Variants in ADARB2 observed in about 807,000 individuals in gnomAD.
ADARB2 encodes the protein inactive double-stranded RNA-specific editase B2.
A neutral mutation model predicts 62.2 loss-of-function variants in ADARB2; 25 were observed. The ratio of observed to expected loss-of-function variants is 0.40; its 90% CI spans 0.29 to 0.56. The LOEUF (loss-of-function observed/expected upper bound fraction) is 0.56. Among genes scored for constraint, ADARB2 ranks in the 20% least tolerant of loss-of-function variants. The probability of loss-of-function intolerance (pLI) is 0.43; values close to 1 mark genes in which losing one functional copy is unlikely to be tolerated. For missense variants in ADARB2, 1,071 were observed against 1,077.4 expected (o/e 0.99, Z 0.08); for synonymous variants, 572 against 500.8 (o/e 1.14, Z -1.90).
chr10:1,219,028 C>T lies in ADARB2; in HGVS notation c.1514-1909G>A, dbSNP rs192142503. ...TTGTGCCACTGTACTCCAGCCTGGGCGACAGAGCAAGACTACGTCTCAAAA... is the reference window on the plus strand; with the variant it reads ...TTGTGCCACTGTACTCCAGCCTGGGTGACAGAGCAAGACTACGTCTCAAAA... On this transcript the variant is annotated intron_variant, in intron 6 of 9. Coordinates refer to ENST00000381312, the MANE Select transcript of ADARB2 (RefSeq NM_018702.4). 2.2e-3 allele frequency among the ~76,000 whole-genome samples: 301 copies of T among 137,160 alleles called. 1 individual carries two copies. Among genetic ancestry groups the T allele is most frequent in the Non-Finnish European group, 3.4e-3 (227 of 65,962 alleles). 90.0% of individuals were successfully genotyped at this position (137,160 alleles called of 152,430 possible).
At position 1,183,277 on chromosome 10, in the gene ADARB2, C is replaced by T. The variant is rs1314058470; in HGVS notation, c.2136G>A (p.Gln712=). 1 of 1,614,192 alleles carries T rather than the reference C, an allele frequency of 6.2e-7. No homozygotes were observed. The highest frequency in any genetic ancestry group is 1.3e-5 in the African/African-American group (1 of 75,068). The part of the protein sequence containing the change: ...GAHTYQSVKQ[Q]LFKAFQKAGL... ...CAGCCTTCTGAAAGGCCTTGAACAGCTGCTGTTTCACAGACTGGTAGGTGT... is the reference window on the plus strand; with the variant it reads ...CAGCCTTCTGAAAGGCCTTGAACAGTTGCTGTTTCACAGACTGGTAGGTGT... The change falls in exon 10 of 10, where the codon CAG becomes CAA. Residue 712 remains glutamine, a synonymous_variant. Transcript: ENST00000381312.
At chr10:1,685,212 G>A (rs1255125087) in intron 1 of ADARB2, among the ~76,000 whole-genome samples, 1 of 152,148 alleles carries the variant, frequency 6.6e-6, no homozygotes, top group Non-Finnish European at 1.5e-5. Flanking sequence ...GAGTGCGTGA[G>A]TGTGTGTGTG....
In ADARB2 at chr10:1,690,081, T is replaced by C. The variant is rs572308164; in HGVS notation, c.100+46970A>G. Among the ~76,000 whole-genome samples, 5 of 152,334 alleles carry C rather than the reference T, an allele frequency of 3.3e-5. No homozygotes were observed. The South Asian group carries it at 6.2e-4, about 19-fold the overall frequency. On this transcript the variant is annotated intron_variant, in intron 1 of 9. Transcript: ENST00000381312. ...ATTGCTATGGGAAGAAAAGAAAGCA[T>C]TGCACATTAAGGTGATAGCTATTCT...
chr10:1,562,122 G>A (rs963079195), intron 1 of ADARB2, among the ~76,000 whole-genome samples: 10 of 152,078 alleles, frequency 6.6e-5, no homozygotes, highest in African/African-American at 2.4e-4. Context: ...TCTTCTCAGG[G>A]ACCCTTGGTT....
chr10:1,331,604 G>A (rs1385997687), intron 3 of ADARB2, among the ~76,000 whole-genome samples: 1 of 152,186 alleles, frequency 6.6e-6, no homozygotes, highest in Non-Finnish European at 1.5e-5. Context: ...ATGCTAACAG[G>A]TTTGTTGTGA....
intron 1 of ADARB2, among the ~76,000 whole-genome samples, chr10:1,465,800 G>A (rs1156710355): frequency 6.6e-6 from 1 of 152,256 alleles, no homozygotes; most frequent in East Asian, 1.9e-4. Context: ...CGCCCGAAGA[G>A]TGGTGTGGGG....
intron 1 of ADARB2, among the ~76,000 whole-genome samples, chr10:1,439,551 A>C (rs375115824): frequency 6.1e-5 from 6 of 99,102 alleles, no homozygotes; most frequent in Non-Finnish European, 1.4e-4. Context: ...TCCTCAGCAG[A>C]TGGAGGCAGG....
At chr10:1,297,213 CTT>C (rs1281145709) in intron 3 of ADARB2, among the ~76,000 whole-genome samples, 1 of 152,156 alleles carries the variant, frequency 6.6e-6, no homozygotes, top group Admixed American at 6.5e-5. Flanking sequence ...GGACTGGTGT[CTT>C]TATCGCAGGG....
chr10:1,608,774 G>GAGAAAGAAAGAAAGAA (rs72347975), intron 1 of ADARB2, among the ~76,000 whole-genome samples: 5,895 of 139,456 alleles, frequency 0.042, 252 homozygotes, highest in East Asian at 0.21. Flanking sequence ...GAAAGAGAAA[G>GAGAAAGAAAGAAAGAA]AGAAAGAAAG....
At chr10:1,712,264 C>T (rs879699407) in intron 1 of ADARB2, among the ~76,000 whole-genome samples, 6 of 152,098 alleles carry the variant, frequency 3.9e-5, no homozygotes, top group African/African-American at 7.2e-5. Flanking sequence ...TTGCTCAAAA[C>T]ACGTTTTATA....
At chr10:1,248,133 G>A (rs546104530) in intron 4 of ADARB2, among the ~76,000 whole-genome samples, 11 of 152,372 alleles carry the variant, frequency 7.2e-5, no homozygotes, top group Middle Eastern at 3.4e-3. Context: ...GACGCCAGGC[G>A]AGGGGAGGCT....
chr10:1,247,715 G>A (rs972321370), intron 4 of ADARB2, among the ~76,000 whole-genome samples: 1 of 152,148 alleles, frequency 6.6e-6, no homozygotes, highest in Non-Finnish European at 1.5e-5. Flanking sequence ...AGATAAACAC[G>A]CTTTTCTTAA....
intron 1 of ADARB2, among the ~76,000 whole-genome samples, chr10:1,382,699 TG>T (rs1832493337): frequency 6.9e-6 from 1 of 145,592 alleles, no homozygotes; most frequent in African/African-American, 2.6e-5. Flanking sequence ...GAAAAAAGGA[TG>T]CCATACTTTT....
chr10:1,367,607 A>T (rs1277810179), intron 2 of ADARB2, among the ~76,000 whole-genome samples: 1 of 152,160 alleles, frequency 6.6e-6, no homozygotes, highest in African/African-American at 2.4e-5. Context: ...GATGAGATTA[A>T]CCATGGGATT....
chr10:1,435,315 G>C (rs1830823057), intron 1 of ADARB2, among the ~76,000 whole-genome samples: 1 of 152,214 alleles, frequency 6.6e-6, no homozygotes, highest in Admixed American at 6.5e-5. Context: ...GAACTCAAGG[G>C]AGGGTGTGAA....
rs1157098063 is a variant in ADARB2, at chr10:1,322,046, ACCCAGCCCT to A, written c.1077+40973_1077+40981del. Among the ~76,000 whole-genome samples, 189 of 151,926 alleles carry A rather than the reference ACCCAGCCCT, an allele frequency of 1.2e-3. 1 individual carries two copies. Among genetic ancestry groups the A allele is most frequent in the African/African-American group, 4.3e-3 (180 of 41,428 alleles). ...CTGCCTCCTCCTCCCTCCTCTGACC[ACCCAGCCCT>A]GGACTCAGGAGACACCAGTTGGTAC... On this transcript the variant is annotated intron_variant, in intron 3 of 9. Coordinates refer to ENST00000381312, the MANE Select transcript of ADARB2 (RefSeq NM_018702.4).
intron 7 of ADARB2, among the ~76,000 whole-genome samples, chr10:1,213,224 GAAAGAGAC>G (rs1300963261): frequency 6.6e-6 from 1 of 152,146 alleles, no homozygotes; most frequent in Admixed American, 6.5e-5. Flanking sequence ...GGCACACAGA[GAAAGAGAC>G]AGAGAGACAA....
At chr10:1,393,312 C>A (rs968283086) in intron 1 of ADARB2, among the ~76,000 whole-genome samples, 1 of 152,204 alleles carries the variant, frequency 6.6e-6, no homozygotes, top group African/African-American at 2.4e-5. Context: ...ACAATCATAT[C>A]ATGGAAAACG....
intron 1 of ADARB2, among the ~76,000 whole-genome samples, chr10:1,629,479 C>T (rs988163244): frequency 6.6e-6 from 1 of 151,704 alleles, no homozygotes; most frequent in Non-Finnish European, 1.5e-5. Context: ...CGCCCAACCC[C>T]GCCCTGCGCC....
Sources: gnomAD v4.1 joint callset for allele counts (sites outside exome capture counted in the v4.1 genomes callset) on GRCh38, gnomAD v4.1.1 for gene constraint, MANE v1.5 for transcripts, NCBI Gene and HGNC (gene_info 2026-07-23, HGNC 2026-07-21) for gene names.